LACTBL1: variants seen among roughly 807,000 people sequenced by gnomAD.
LACTBL1 encodes the protein beta-lactamase-like protein 1.
In LACTBL1, 29 loss-of-function variants were observed where a neutral mutation model predicts 39.6. That is an observed-to-expected ratio of 0.73 (90% CI 0.55 to 1.00). The LOEUF is 1.00. Among genes scored for constraint, LACTBL1 ranks in the 50% least tolerant of loss-of-function variants. The pLI, the probability that LACTBL1 is intolerant of heterozygous loss-of-function variation, is 0.00. For missense variants in LACTBL1, 711 were observed against 748.5 expected (o/e 0.95, Z 0.59); for synonymous variants, 361 against 360.7 (o/e 1.00, Z -0.01).
exon 6 of LACTBL1, chr1:22,953,670 G>A (rs1383679218): frequency 2.0e-5 from 25 of 1,273,516 alleles, no homozygotes; most frequent in Non-Finnish European, 2.4e-5. Context: ...CGAAGTAGGC[G>A]CCCGGGCAGG....
At chr1:22,968,786 T>C (rs1013205480), upstream of LACTBL1, among the ~76,000 whole-genome samples, 7 of 152,222 alleles carry the variant, frequency 4.6e-5, no homozygotes, top group African/African-American at 1.7e-4. Context: ...GGGACGATAA[T>C]AGTGCCTAAC....
intron 4 of LACTBL1, 60 bp downstream of exon 6, chr1:22,958,625 G>A: frequency 1.4e-6 from 2 of 1,388,840 alleles, no homozygotes; most frequent in Non-Finnish European, 9.7e-7. Context: ...ATGAGAACCT[G>A]TTCCTCAGCT....
chr1:22,965,253 G>T (rs1245167760), intron 1 of LACTBL1, 37 bp downstream of exon 3: 140 of 1,306,352 alleles, frequency 1.1e-4, no homozygotes, highest in Non-Finnish European at 1.4e-4. Context: ...GACCCAGGGG[G>T]CTATGGGGAG....
In LACTBL1 at chr1:22,964,341, G is replaced by C. The variant is rs544317662; in HGVS notation, c.49+949C>G. Among the ~76,000 whole-genome samples the C allele has an allele frequency of 2.8e-4, 43 of 152,246 alleles. No homozygotes were observed. In the South Asian group the frequency reaches 8.7e-3, roughly 31 times the overall value. On this transcript the variant is annotated intron_variant, in intron 1 of 5. Transcript: ENST00000426928. ...GCGGAACAAATTGCGACCTTTCTAG[G>C]CTAAACCTTAAGGGGCTTACTCCCT...
intron 1 of LACTBL1, among the ~76,000 whole-genome samples, chr1:22,963,955 C>T (rs1162517330): frequency 6.6e-6 from 1 of 152,188 alleles, no homozygotes; most frequent in Non-Finnish European, 1.5e-5. Flanking sequence ...GAGTCTCACC[C>T]TGTTGCCCAG....
At chr1:22,957,993 G>GT (rs1199695225) in intron 4 of LACTBL1, among the ~76,000 whole-genome samples, 2 of 151,996 alleles carry the variant, frequency 1.3e-5, no homozygotes, top group African/African-American at 4.8e-5. Flanking sequence ...TCTCAATTCT[G>GT]TTCCTCTCCT....
upstream of LACTBL1, among the ~76,000 whole-genome samples, chr1:22,969,015 C>T (rs149505974): frequency 4.1e-4 from 63 of 152,248 alleles, no homozygotes; most frequent in East Asian, 0.012. Flanking sequence ...TGGGCTCAAG[C>T]AATCCTCCCA....
chr1:22,961,991 C>T (rs1432571704), intron 2 of LACTBL1, among the ~76,000 whole-genome samples: 1 of 152,018 alleles, frequency 6.6e-6, no homozygotes, highest in African/African-American at 2.4e-5. Flanking sequence ...CATGATCCAC[C>T]CATCTCGGCC....
chr1:22,971,541 G>A, the LACTBL1 span, among the ~76,000 whole-genome samples: 2 of 152,036 alleles, frequency 1.3e-5, no homozygotes, highest in Non-Finnish European at 2.9e-5. Flanking sequence ...GGTGTTCTGT[G>A]CCCCAATCAC....
intron 5 of LACTBL1, 114 bp downstream of exon 7, chr1:22,955,207 G>T: frequency 1.3e-6 from 1 of 776,814 alleles, no homozygotes. Flanking sequence ...CTGGGGAGCA[G>T]GTCTCTCCCG....
At chr1:22,965,878 A>G (rs1410425291), upstream of LACTBL1, among the ~76,000 whole-genome samples, 1 of 152,214 alleles carries the variant, frequency 6.6e-6, no homozygotes, top group African/African-American at 2.4e-5. Context: ...CTACTTATAT[A>G]AAATGTCTAG....
intron 1 of LACTBL1, among the ~76,000 whole-genome samples, chr1:22,964,757 T>A (rs1640860154): frequency 6.6e-6 from 1 of 152,204 alleles, no homozygotes; most frequent in African/African-American, 2.4e-5. Flanking sequence ...TCCACAGTGG[T>A]GCTCCTCCTG....
chr1:22,963,117 G>T (rs1640842431), exon 2 of LACTBL1: 12 of 1,286,838 alleles, frequency 9.3e-6, no homozygotes, highest in South Asian at 2.8e-5. Context: ...CTTTTCCAGG[G>T]CCTCCTTCAA....
chr1:22,956,489 T>C (rs1640763225), intron 4 of LACTBL1, among the ~76,000 whole-genome samples: 1 of 152,112 alleles, frequency 6.6e-6, no homozygotes, highest in Admixed American at 6.6e-5. Context: ...CTTTGTAAAA[T>C]GATGACATGG....
exon 6 of LACTBL1, chr1:22,953,912 T>G: frequency 1.3e-6 from 2 of 1,550,210 alleles, no homozygotes; most frequent in Non-Finnish European, 1.7e-6. Context: ...GTGTCTGCCA[T>G]CCCCAGCGGC....
intron 2 of LACTBL1, among the ~76,000 whole-genome samples, chr1:22,961,466 C>T (rs1640821574): frequency 2.0e-5 from 3 of 152,154 alleles, no homozygotes; most frequent in South Asian, 4.1e-4. Context: ...CGGGTTCAAG[C>T]GATTCTCCTG....
chr1:22,963,187 G>A (rs1239941492), exon 2 of LACTBL1: 3 of 1,343,536 alleles, frequency 2.2e-6, no homozygotes, highest in Non-Finnish European at 2.9e-6. Flanking sequence ...ATCCTCACAG[G>A]GGCAGAGGTC....
Position 22,953,867 on chromosome 1 carries a change from GGC to G in LACTBL1, c.815_816del (p.Arg272ProfsTer16), listed in dbSNP as rs753628430. The stretch of plus-strand genomic sequence containing the variant: ...CCGCTGCCGTAGAAGCCCGCGGCCA[GGC>G]GCGCGCGCACGTCGGGCGTGAGGTC... On this transcript the variant is annotated frameshift_variant, in exon 6 of 6. Coordinates refer to ENST00000426928, the Ensembl canonical transcript of LACTBL1. LOFTEE classifies it high-confidence loss of function. The G allele has an allele frequency of 1.7e-5, 27 of 1,548,818 alleles. No homozygotes were observed. Among genetic ancestry groups the G allele is most frequent in the Non-Finnish European group, 2.0e-5 (23 of 1,146,030 alleles).
At chr1:22,961,441 G>A (rs533607376) in intron 2 of LACTBL1, among the ~76,000 whole-genome samples, 129 of 152,244 alleles carry the variant, frequency 8.5e-4, no homozygotes, top group African/African-American at 2.8e-3. Flanking sequence ...TCCACTCACC[G>A]TAAACTCCAC....
Sources: gnomAD v4.1 joint callset for allele counts (sites outside exome capture counted in the v4.1 genomes callset) on GRCh38, gnomAD v4.1.1 for gene constraint, MANE v1.5 for transcripts, NCBI Gene and HGNC (gene_info 2026-07-23, HGNC 2026-07-21) for gene names.